TUSC3: variants seen among roughly 807,000 people sequenced by gnomAD.
The protein encoded by TUSC3 is dolichyl-diphosphooligosaccharide--protein glycosyltransferase subunit TUSC3.
Under a neutral mutation model 44.8 loss-of-function variants are expected in TUSC3, and 45 were observed. That is an observed-to-expected ratio of 1.00 (90% confidence interval 0.79 to 1.29). The LOEUF is 1.29. Among genes scored for constraint, TUSC3 ranks in the 50% most tolerant of loss-of-function variants. The probability of loss-of-function intolerance (pLI) is 0.00; values close to 1 mark genes in which losing one functional copy is unlikely to be tolerated. For missense variants in TUSC3, 519 were observed against 437.9 expected, an observed-to-expected ratio of 1.19 and a Z score of -1.65; for synonymous variants, 212 against 152.9, an observed-to-expected ratio of 1.39 and a Z score of -2.85.
intron 1 of TUSC3, among the ~76,000 whole-genome samples, chr8:15,593,783 C>T (rs1803952877): frequency 6.6e-6 from 1 of 151,972 alleles, no homozygotes; most frequent in Non-Finnish European, 1.5e-5. Flanking sequence ...ATTCTTTATG[C>T]TCTGTGCACT....
At chr8:15,792,331 G>C in the TUSC3 span, among the ~76,000 whole-genome samples, 1 of 152,224 alleles carries the variant, frequency 6.6e-6, no homozygotes, top group African/African-American at 2.4e-5. Context: ...AGTGGTGTTT[G>C]TAAGGCAAAG....
intron 1 of TUSC3, among the ~76,000 whole-genome samples, chr8:15,474,015 G>C (rs76502089): frequency 0.13 from 19,788 of 152,020 alleles, 1,676 homozygotes; most frequent in East Asian, 0.32. Flanking sequence ...GGCACTCCCA[G>C]AGCAACTGTT....
chr8:15,598,776 C>T (rs1473008928), intron 1 of TUSC3, among the ~76,000 whole-genome samples: 4 of 151,676 alleles, frequency 2.6e-5, no homozygotes, highest in African/African-American at 7.3e-5. Context: ...TTTGATAGCT[C>T]ATTTTTTTTT....
chr8:15,720,678 A>G (rs1810269180), intron 6 of TUSC3, among the ~76,000 whole-genome samples: 1 of 152,138 alleles, frequency 6.6e-6, no homozygotes, highest in Non-Finnish European at 1.5e-5. Flanking sequence ...TGCTGGCATT[A>G]GGTGAACTTT....
chr8:15,651,988 A>C (rs372623076), intron 3 of TUSC3, among the ~76,000 whole-genome samples: 28 of 152,342 alleles, frequency 1.8e-4, no homozygotes, highest in African/African-American at 6.5e-4. Context: ...TAAGGAATGC[A>C]GAAATTGTTG....
At chr8:15,586,234 G>A (rs767675852) in intron 1 of TUSC3, among the ~76,000 whole-genome samples, 4 of 151,796 alleles carry the variant, frequency 2.6e-5, no homozygotes, top group Non-Finnish European at 4.4e-5. Flanking sequence ...AATGTTGTGA[G>A]TTAAGAAGTG....
intron 2 of TUSC3, among the ~76,000 whole-genome samples, chr8:15,512,305 T>C (rs113413522): frequency 1.5e-4 from 23 of 152,198 alleles, no homozygotes; most frequent in African/African-American, 5.3e-4. Flanking sequence ...CCCATTCCAT[T>C]GAAGGTTTTA....
chr8:15,650,393 G>C (rs1053505697), intron 2 of TUSC3, among the ~76,000 whole-genome samples: 3 of 152,094 alleles, frequency 2.0e-5, no homozygotes, highest in Non-Finnish European at 4.4e-5. Flanking sequence ...GCTAGGCTTT[G>C]TGATACATGT....
chr8:15,608,924 C>A (rs1804647496), intron 1 of TUSC3, among the ~76,000 whole-genome samples: 1 of 152,082 alleles, frequency 6.6e-6, no homozygotes, highest in Admixed American at 6.6e-5. Flanking sequence ...GATTCTACTC[C>A]CAAAAAACTT....
chr8:15,796,973 G>A, the TUSC3 span, among the ~76,000 whole-genome samples: 2 of 152,204 alleles, frequency 1.3e-5, no homozygotes, highest in Non-Finnish European at 2.9e-5. Flanking sequence ...GCTACTTGGA[G>A]CCTCTGGTAG....
chr8:15,608,748 C>T (rs1286309808), intron 1 of TUSC3, among the ~76,000 whole-genome samples: 2 of 152,180 alleles, frequency 1.3e-5, no homozygotes, highest in African/African-American at 4.8e-5. Flanking sequence ...CCAGCTTCCC[C>T]TTCCACCATG....
chr8:15,706,826 G>A (rs1339043861), intron 6 of TUSC3, among the ~76,000 whole-genome samples: 1 of 151,882 alleles, frequency 6.6e-6, no homozygotes, highest in East Asian at 1.9e-4. Flanking sequence ...TTGTAGAGAA[G>A]CATGTATTTC....
In TUSC3 at chr8:15,765,626, A is replaced by AT. The variant is rs1812305740; in HGVS notation, c.*1470_*1471insT. 6.6e-6 allele frequency: 1 copy of AT among 152,060 alleles called. No homozygotes were observed. The highest frequency in any genetic ancestry group is 1.5e-5 in the Non-Finnish European group (1 of 67,968). The allele number at this position is 152,060 out of a possible 1,614,324, so 9.4% of individuals were successfully genotyped here. A position where few individuals can be genotyped will look rare whatever the true frequency, so the allele number is the denominator to read the frequency against. Reference sequence around the variant, plus strand: ...CTTTTCAAAACATAATATTCAGTGAAAATTACGTAATAATTGTAAGTTTAT... The same window carrying AT: ...CTTTTCAAAACATAATATTCAGTGAATAATTACGTAATAATTGTAAGTTTAT... On this transcript the variant is annotated 3_prime_UTR_variant, in exon 11 of 11. Coordinates refer to ENST00000503731, the MANE Select transcript of TUSC3 (RefSeq NM_006765.4).
chr8:15,751,775 T>A (rs187080720), intron 9 of TUSC3, among the ~76,000 whole-genome samples: 18 of 152,336 alleles, frequency 1.2e-4, no homozygotes, highest in Middle Eastern at 6.8e-3. Flanking sequence ...GCAGGATAGA[T>A]CTTTGATCCT....
Position 15,677,255 on chromosome 8 carries a change from C to G in TUSC3, c.798+3419C>G, listed in dbSNP as rs539503977. 5.3e-5 allele frequency among the ~76,000 whole-genome samples: 8 copies of G among 152,222 alleles called. No homozygotes were observed. The East Asian group carries it at 1.6e-3, about 30-fold the overall frequency. Reference sequence around the variant, plus strand: ...ACTCAAGCAGCTCTCCTGCATTGGCCTCCCTGAGTTCTCGGATTACAGGCC... The same window carrying G: ...ACTCAAGCAGCTCTCCTGCATTGGCGTCCCTGAGTTCTCGGATTACAGGCC... On this transcript the variant is annotated intron_variant, in intron 6 of 10. Coordinates refer to ENST00000503731, the MANE Select transcript of TUSC3 (RefSeq NM_006765.4).
chr8:15,545,693 A>C (rs1223012664), intron 1 of TUSC3, among the ~76,000 whole-genome samples: 1 of 151,760 alleles, frequency 6.6e-6, no homozygotes, highest in East Asian at 2.0e-4. Context: ...GCCCTCTTCC[A>C]CACATAGGGC....
intron 2 of TUSC3, among the ~76,000 whole-genome samples, chr8:15,623,568 A>G (rs141153442): frequency 1.3e-5 from 2 of 152,044 alleles, no homozygotes; most frequent in East Asian, 1.9e-4. Context: ...CTTAAATATA[A>G]TCAATTTTTA....
At chr8:15,850,111 CTTTT>C in the TUSC3 span, among the ~76,000 whole-genome samples, 2 of 145,318 alleles carry the variant, frequency 1.4e-5, no homozygotes. Context: ...CTTGTTTATC[CTTTT>C]TTTTTTTTTG....
rs146362846 is a variant in TUSC3, at chr8:15,757,806, G to A, written c.1044G>A (p.Glu348=). The A allele has an allele frequency of 7.0e-7, 1 of 1,423,008 alleles. No individual in the cohort carries two copies. Among genetic ancestry groups the A allele is most frequent in the Non-Finnish European group, 9.9e-7 (1 of 1,005,978 alleles). The allele number at this position is 1,423,008 out of a possible 1,614,324, so 88.1% of individuals were successfully genotyped here. Residue 348 remains glutamate (E), a synonymous_variant, in exon 10 of 11, where the codon GAG becomes GAA. Coordinates refer to ENST00000503731, the MANE Select transcript of TUSC3 (RefSeq NM_006765.4). The part of the protein sequence containing the change: ...HGYPYSDLDF[E] ...TATTGGAAAGTGATCTGGACTTTGAGTGAGAAGATGTGATTTGGACCATGG... is the reference window on the plus strand; with the variant it reads ...TATTGGAAAGTGATCTGGACTTTGAATGAGAAGATGTGATTTGGACCATGG...
Sources: allele counts gnomAD v4.1 joint callset (sites outside exome capture counted in the v4.1 genomes callset), GRCh38; gene constraint gnomAD v4.1.1; transcripts MANE v1.5; gene names NCBI Gene and HGNC (gene_info 2026-07-23, HGNC 2026-07-21).